The following TNK2 variants were observed in gnomAD, a reference collection of about 807,000 sequenced individuals.
TNK2 encodes tyrosine kinase non receptor 2.
A neutral mutation model predicts 101.8 loss-of-function variants in TNK2; 83 were observed. That is an observed-to-expected ratio of 0.82 (90% CI 0.68 to 0.98). The LOEUF (loss-of-function observed/expected upper bound fraction) is 0.98, where lower values mean the gene tolerates loss of function less well. TNK2 is among the 50% of genes least tolerant of loss of function. The pLI is 0.00. For synonymous variants in TNK2, 804 were observed against 633.0 expected, an observed-to-expected ratio of 1.27 and a Z score of -4.06; for missense variants, 1,665 against 1,483.2, an observed-to-expected ratio of 1.12 and a Z score of -2.01.
At chr3:195,871,496 G>A (rs1745279971) in intron 10 of TNK2, among the ~76,000 whole-genome samples, 1 of 152,158 alleles carries the variant, frequency 6.6e-6, no homozygotes, top group Non-Finnish European at 1.5e-5. Context: ...ACCAGCAGGA[G>A]AAGGAAAACC....
At chr3:195,869,324 G>T (rs548897656) in intron 12 of TNK2, 173 bp downstream of exon 12, 5 of 694,810 alleles carry the variant, frequency 7.2e-6, no homozygotes, top group East Asian at 2.7e-5. Flanking sequence ...GGCTCCGGGG[G>T]GCGGGCTCGA....
rs536476670 is a variant in TNK2, at chr3:195,887,888, G to A, written c.163+538C>T. Among the ~76,000 whole-genome samples the A allele has an allele frequency of 6.0e-5, 7 of 117,196 alleles. No individual in the cohort carries two copies. The South Asian group carries it at 1.4e-3, about 23-fold the overall frequency. The allele number at this position is 117,196 out of a possible 152,430, so 76.9% of individuals were successfully genotyped here. On this transcript the variant is annotated intron_variant, in intron 2 of 15. Coordinates refer to ENST00000672887, the MANE Select transcript of TNK2 (RefSeq NM_001382273.1). Reference sequence around the variant, plus strand: ...CGCAGGCGTGTGAGCGCGTGCGTACGCACGTGCATGCGTGTGTGCACGTGC... The same window carrying A: ...CGCAGGCGTGTGAGCGCGTGCGTACACACGTGCATGCGTGTGTGCACGTGC...
Position 195,882,122 on chromosome 3 carries a change from C to A in TNK2, c.816G>T (p.Gly272=). 1.2e-6 allele frequency: 2 copies of A among 1,613,866 alleles called. No individual in the cohort carries two copies. Among genetic ancestry groups the A allele is most frequent in the Admixed American group, 1.7e-5 (1 of 60,024 alleles). The change falls in exon 6 of 16, where the codon GGG becomes GGT. Residue 272 remains glycine (G), a synonymous_variant. Coordinates refer to ENST00000672887, the MANE Select transcript of TNK2 (RefSeq NM_001382273.1). This position sits in a 1 kb window ranked among gnomAD's most constrained non-coding sequence, Gnocchi z 4.2. The part of the protein sequence containing the change: ...TRDLVKIGDF[G]LMRALPQNDD... ...CATTCTGAGGTAGTGCTCGCATCAG[C>A]CCAAAGTCCCCGATCTTGACCAGGT...
chr3:195,893,089 G>T (rs1759254749), intron 1 of TNK2, among the ~76,000 whole-genome samples: 1 of 151,970 alleles, frequency 6.6e-6, no homozygotes. Context: ...ACTCCCTCAT[G>T]GACCTGTGTG....
chr3:195,893,441 A>G (rs1014660121), intron 1 of TNK2, among the ~76,000 whole-genome samples: 3 of 151,110 alleles, frequency 2.0e-5, no homozygotes, highest in African/African-American at 7.3e-5. Flanking sequence ...CAAAACAAAC[A>G]AATATGCCCT....
chr3:195,894,907 G>A (rs570602603), intron 1 of TNK2, among the ~76,000 whole-genome samples: 1 of 152,304 alleles, frequency 6.6e-6, no homozygotes, highest in South Asian at 2.1e-4. Flanking sequence ...ATATTCAGAA[G>A]CCTAGTAAAC....
At position 195,878,675 on chromosome 3, in the gene TNK2, G is replaced by C. The variant is rs564483730; in HGVS notation, c.1015-83C>G. On this transcript the variant is annotated intron_variant, in intron 7 of 15. Transcript: ENST00000672887. The surrounding 1 kb of genome is among the most constrained non-coding windows in gnomAD (Gnocchi z 4.7). ...CCGCCTTCCCTCCAGCCCATCCACA[G>C]CTGCAGCGGCTGCTGCCATGCCTGG... 6.6e-7 allele frequency: 1 copy of C among 1,523,522 alleles called. No homozygotes were observed. The highest frequency in any genetic ancestry group is 1.4e-5 in the African/African-American group (1 of 73,384). The allele number at this position is 1,523,522 out of a possible 1,614,324, so 94.4% of individuals were successfully genotyped here.
intron 1 of TNK2, chr3:195,896,754 C>G (rs1015134199): frequency 2.0e-5 from 3 of 152,556 alleles, no homozygotes; most frequent in African/African-American, 7.2e-5. Flanking sequence ...TCTAGGAGTT[C>G]GAGAATCCAC....
At chr3:195,895,365 CGG>C (rs1445213271) in intron 1 of TNK2, 12 of 1,556,682 alleles carry the variant, frequency 7.7e-6, no homozygotes, top group Non-Finnish European at 1.0e-5. Flanking sequence ...CGCCCCGCAG[CGG>C]CACCGGCAGC....
chr3:195,864,040 C>A lies in TNK2; in HGVS notation c.*141G>T, dbSNP rs1738919014. 5.2e-6 allele frequency: 6 copies of A among 1,152,566 alleles called. No individual in the cohort carries two copies. The Admixed American group carries it at 8.2e-5, about 16-fold the overall frequency. The allele number at this position is 1,152,566 out of a possible 1,614,324, so 71.4% of individuals were successfully genotyped here. ...GCAGGGCAGGGCTCCCAGCCTCCCG[C>A]AGCCTTGGCCTTGCTCCATCCCCGG... is the stretch of plus-strand genomic sequence containing the variant. On this transcript the variant is annotated 3_prime_UTR_variant, in exon 16 of 16. Transcript: ENST00000672887.
At position 195,878,333 on chromosome 3, in the gene TNK2, G is replaced by T; in HGVS notation, c.1176C>A (p.Asp392Glu). Residue 392 changes from aspartate (D) to glutamate (E), a missense_variant, in exon 9 of 16, where the codon GAC becomes GAA. This residue lies in a region of TNK2 where 39 missense variants were observed against 65.8 expected (regional missense o/e 0.59). Coordinates refer to ENST00000672887, the MANE Select transcript of TNK2 (RefSeq NM_001382273.1). This position sits in a 1 kb window ranked among gnomAD's most constrained non-coding sequence, Gnocchi z 4.7. ...CCTCAAAGTCCTGAAGGGCCCGCAT[G>T]TCTGTGGGCTGGGCCTGGAGGAAGA... ...RDFLLEAQPT[D>E]MRALQDFEEP... is the part of the protein sequence containing the mutation. The T allele has an allele frequency of 6.2e-7, 1 of 1,614,134 alleles. No individual in the cohort carries two copies. The highest frequency in any genetic ancestry group is 8.5e-7 in the Non-Finnish European group (1 of 1,180,014).
intron 1 of TNK2, among the ~76,000 whole-genome samples, chr3:195,906,590 G>A (rs1761741318): frequency 6.6e-6 from 1 of 152,072 alleles, no homozygotes; most frequent in Admixed American, 6.6e-5. Flanking sequence ...GGGGATGGCA[G>A]AGGAGCGGGG....
rs763970133 is a variant in TNK2, at chr3:195,882,819, T to C, written c.609+338A>G. Reference sequence around the variant, plus strand: ...GTTGCAGTGAGCCTAGATCATGCCATTGCACTCCAGCCTGGGCGACAAAGT... The same window carrying C: ...GTTGCAGTGAGCCTAGATCATGCCACTGCACTCCAGCCTGGGCGACAAAGT... On this transcript the variant is annotated intron_variant, in intron 5 of 15. Transcript: ENST00000672887. The surrounding 1 kb of genome is among the most constrained non-coding windows in gnomAD (Gnocchi z 4.2). 2.2e-4 allele frequency among the ~76,000 whole-genome samples: 33 copies of C among 152,214 alleles called. No homozygotes were observed. The highest frequency in any genetic ancestry group is 5.1e-4 in the African/African-American group (21 of 41,538).
In TNK2 at chr3:195,888,395, G is replaced by T. The variant is rs1395663957; in HGVS notation, c.163+31C>A. 1.2e-6 allele frequency: 2 copies of T among 1,604,698 alleles called. No individual in the cohort carries two copies. Among genetic ancestry groups the T allele is most frequent in the South Asian group, 2.2e-5 (2 of 90,030 alleles). ...GGACAGAGGACGGAAAGGGTCAGGGGCAAGACAAGCCAGGCCAACATCCCA... is the reference window on the plus strand; with the variant it reads ...GGACAGAGGACGGAAAGGGTCAGGGTCAAGACAAGCCAGGCCAACATCCCA... On this transcript the variant is annotated intron_variant, in intron 2 of 15. Transcript: ENST00000672887. This position sits in a 1 kb window ranked among gnomAD's most constrained non-coding sequence, Gnocchi z 5.3.
rs1755211249 is a variant in TNK2 at position 195,885,507 on chromosome 3, G to C, written c.235-474C>G. ...CTGGCCTGACCATTTGGTGCTGTCT[G>C]TCTCCACCCTCACCAGGGAGTCGGC... On this transcript the variant is annotated intron_variant, in intron 3 of 15. Transcript: ENST00000672887. This position sits in a 1 kb window ranked among gnomAD's most constrained non-coding sequence, Gnocchi z 4.7. 1 of 1,294,874 alleles carries C rather than the reference G, an allele frequency of 7.7e-7. No homozygotes were observed. 80.2% of individuals were successfully genotyped at this position (1,294,874 alleles called of 1,614,324 possible).
chr3:195,877,924 G>A (rs1170927808), intron 9 of TNK2, among the ~76,000 whole-genome samples: 5 of 152,006 alleles, frequency 3.3e-5, no homozygotes, highest in Non-Finnish European at 4.4e-5. Flanking sequence ...GAGAAGCGGG[G>A]AGGAGCAGAG....
chr3:195,877,071 AC>A (rs34730376), intron 9 of TNK2, among the ~76,000 whole-genome samples: 1 of 150,612 alleles, frequency 6.6e-6, no homozygotes, highest in Non-Finnish European at 1.5e-5. Context: ...CTTCCAGGGG[AC>A]CCCCCCACCC....
chr3:195,864,302 C>T, intron 15 of TNK2, 115 bp from the exon 16 acceptor site: 4 of 1,170,182 alleles, frequency 3.4e-6, no homozygotes, highest in Non-Finnish European at 3.8e-6. Flanking sequence ...CAGTCCCCGG[C>T]AAGGACTGTA....
intron 1 of TNK2, among the ~76,000 whole-genome samples, chr3:195,895,055 A>G (rs988629105): frequency 1.3e-5 from 2 of 152,146 alleles, no homozygotes; most frequent in African/African-American, 4.8e-5. Flanking sequence ...CCATGCACAC[A>G]CAGGCAGATG....
Sources: allele counts gnomAD v4.1 joint callset (sites outside exome capture counted in the v4.1 genomes callset), GRCh38; gene constraint gnomAD v4.1.1; regional missense constraint gnomAD v4.1.1; non-coding constraint Gnocchi (gnomAD v3.1); transcripts MANE v1.5; gene names NCBI Gene and HGNC (gene_info 2026-07-23, HGNC 2026-07-21).